Variants in LIN52 observed in about 807,000 individuals in gnomAD.
The protein encoded by LIN52 is lin-52 DREAM MuvB core complex component.
A neutral mutation model predicts 18.5 loss-of-function variants in LIN52; 4 were observed. That is an observed-to-expected ratio of 0.22 (90% confidence interval 0.11 to 0.49). The LOEUF is 0.49. Among genes scored for constraint, LIN52 ranks in the 20% least tolerant of loss-of-function variants. The probability of loss-of-function intolerance (pLI) is 0.97; values close to 1 mark genes in which losing one functional copy is unlikely to be tolerated. For synonymous variants in LIN52, 34 were observed against 45.5 expected, an observed-to-expected ratio of 0.75 and a Z score of 1.02; for missense variants, 102 against 139.5, an observed-to-expected ratio of 0.73 and a Z score of 1.35.
chr14:74,126,503 A>AT (rs1199740177), intron 5 of LIN52, among the ~76,000 whole-genome samples: 1 of 152,248 alleles, frequency 6.6e-6, no homozygotes, highest in Non-Finnish European at 1.5e-5. Flanking sequence ...CAACAGATGA[A>AT]TGAATAAACA....
intron 5 of LIN52, among the ~76,000 whole-genome samples, chr14:74,178,223 A>C (rs2139582192): frequency 6.6e-6 from 1 of 152,310 alleles, no homozygotes; most frequent in African/African-American, 2.4e-5. Flanking sequence ...ATTAACCTCA[A>C]AGACACATCA....
At chr14:74,167,175 C>T (rs1457486661) in intron 5 of LIN52, among the ~76,000 whole-genome samples, 1 of 141,432 alleles carries the variant, frequency 7.1e-6, no homozygotes, top group East Asian at 2.2e-4. Context: ...CAGCAAATGT[C>T]ATTCAACTCA....
chr14:74,141,012 G>GTT (rs982088655), intron 5 of LIN52, among the ~76,000 whole-genome samples: 2 of 152,116 alleles, frequency 1.3e-5, no homozygotes, highest in Non-Finnish European at 2.9e-5. Flanking sequence ...AAAAGGAACA[G>GTT]TTTTAACTTT....
chr14:74,148,834 C>A (rs933199738), intron 5 of LIN52, among the ~76,000 whole-genome samples: 11 of 152,148 alleles, frequency 7.2e-5, no homozygotes, highest in Admixed American at 6.5e-5. Flanking sequence ...GGCCACTGGG[C>A]CATGCAACAG....
intron 5 of LIN52, among the ~76,000 whole-genome samples, chr14:74,118,988 A>G (rs554956138): frequency 6.6e-6 from 1 of 152,278 alleles, no homozygotes; most frequent in East Asian, 1.9e-4. Context: ...CGGCCATATC[A>G]TTTGGGTTTT....
At chr14:74,170,030 G>T (rs942834827) in intron 5 of LIN52, among the ~76,000 whole-genome samples, 4 of 152,194 alleles carry the variant, frequency 2.6e-5, no homozygotes, top group Non-Finnish European at 5.9e-5. Flanking sequence ...ACTGGAATAC[G>T]AAAGAGGGGA....
chr14:74,147,596 T>C (rs941521411), intron 5 of LIN52, among the ~76,000 whole-genome samples: 13 of 152,208 alleles, frequency 8.5e-5, no homozygotes, highest in Non-Finnish European at 1.5e-4. Context: ...GCAATCCAAA[T>C]GTTCATTGAC....
chr14:74,097,914 C>T (rs1187091620), intron 4 of LIN52, 54 bp downstream of exon 4: 1 of 1,313,948 alleles, frequency 7.6e-7, no homozygotes, highest in African/African-American at 1.5e-5. Flanking sequence ...TTCCATAGAC[C>T]ACCTCTCTAT....
chr14:74,091,576 G>A (rs113861145), intron 2 of LIN52, among the ~76,000 whole-genome samples: 7 of 151,552 alleles, frequency 4.6e-5, no homozygotes, highest in African/African-American at 9.7e-5. Flanking sequence ...TGAGACCAGC[G>A]TGGCCAACAT....
chr14:74,153,654 C>T (rs2061186477), intron 5 of LIN52, among the ~76,000 whole-genome samples: 1 of 151,756 alleles, frequency 6.6e-6, no homozygotes, highest in African/African-American at 2.4e-5. Flanking sequence ...AAGTGATTCT[C>T]CTGCCTCAGC....
chr14:74,114,211 T>TGTGC lies in LIN52; in HGVS notation c.283+12975_283+12976insGCGT, dbSNP rs2060949861. The TGTGC allele has an allele frequency of 4.2e-6, 4 of 951,250 alleles. No individual in the cohort carries two copies. In the South Asian group the frequency reaches 1.9e-4, roughly 46 times the overall value. The allele number at this position is 951,250 out of a possible 1,614,324, so 58.9% of individuals were successfully genotyped here. A position where few individuals can be genotyped will look rare whatever the true frequency, so the allele number is the denominator to read the frequency against. On this transcript the variant is annotated intron_variant, in intron 5 of 5. Transcript: ENST00000555028. ...GTGTGTGTGTGTGTGTGTGTGTGTG[T>TGTGC]GTAGTTTTAACTTGTGCTTTAAAAA...
rs1295957943 is a variant in LIN52 at position 74,098,606 on chromosome 14, G to C, written c.199+746G>C. On this transcript the variant is annotated intron_variant, in intron 4 of 5. Transcript: ENST00000555028. ...TTTGTTGCCCAGGCTGGAGTGCAGTGGTGCGATCTCGGCTCACTGCAACCT... is the reference window on the plus strand; with the variant it reads ...TTTGTTGCCCAGGCTGGAGTGCAGTCGTGCGATCTCGGCTCACTGCAACCT... 3.3e-5 allele frequency among the ~76,000 whole-genome samples: 5 copies of C among 149,976 alleles called. No homozygotes were observed. In the East Asian group the frequency reaches 9.9e-4, roughly 30 times the overall value.
chr14:74,183,243 G>A (rs1460593742), intron 5 of LIN52, among the ~76,000 whole-genome samples: 1 of 147,528 alleles, frequency 6.8e-6, no homozygotes, highest in Non-Finnish European at 1.5e-5. Context: ...CACTACAGGT[G>A]CCCGCCACCA....
chr14:74,090,663 T>G (rs2060767500), intron 1 of LIN52, among the ~76,000 whole-genome samples: 2 of 152,154 alleles, frequency 1.3e-5, no homozygotes, highest in Admixed American at 6.6e-5. Flanking sequence ...ACAGAAATTC[T>G]GCAACCAGCT....
intron 5 of LIN52, among the ~76,000 whole-genome samples, chr14:74,149,853 G>C (rs1259949147): frequency 6.6e-6 from 1 of 152,128 alleles, no homozygotes; most frequent in African/African-American, 2.4e-5. Flanking sequence ...TTGCAAAATA[G>C]TCTTCTACCA....
At chr14:74,130,277 G>GGTTTTTTTTTTTTTTTTTTTTTT (rs2061054307) in intron 5 of LIN52, among the ~76,000 whole-genome samples, 1 of 46,426 alleles carries the variant, frequency 2.2e-5, no homozygotes, top group Admixed American at 3.1e-4. Flanking sequence ...GGCATTTTTT[G>GGTTTTTTTTTTTTTTTTTTTTTT]GTTTTTTTTT....
intron 5 of LIN52, among the ~76,000 whole-genome samples, chr14:74,165,072 A>T (rs570114729): frequency 2.6e-5 from 4 of 152,210 alleles, no homozygotes; most frequent in Non-Finnish European, 4.4e-5. Context: ...GCAAACTGAA[A>T]AACTCAGGGA....
At chr14:74,193,295 T>C (rs1566871834) in intron 5 of LIN52, among the ~76,000 whole-genome samples, 1 of 151,388 alleles carries the variant, frequency 6.6e-6, no homozygotes, top group East Asian at 1.9e-4. Context: ...ATGCCTGTAG[T>C]CACAACTACT....
At chr14:74,187,307 C>A (rs2061345156) in intron 5 of LIN52, among the ~76,000 whole-genome samples, 1 of 152,076 alleles carries the variant, frequency 6.6e-6, no homozygotes, top group South Asian at 2.1e-4. Context: ...TATTGCATTG[C>A]CTCTCTTAAC....
Sources: gnomAD v4.1 joint callset for allele counts (sites outside exome capture counted in the v4.1 genomes callset) on GRCh38, gnomAD v4.1.1 for gene constraint, MANE v1.5 for transcripts, NCBI Gene and HGNC (gene_info 2026-07-23, HGNC 2026-07-21) for gene names.